KIAA0825: variants seen among roughly 807,000 people sequenced by gnomAD.
The protein encoded by KIAA0825 is uncharacterized protein KIAA0825.
In KIAA0825, 119 loss-of-function variants were observed where a neutral mutation model predicts 147.6. That is an observed-to-expected ratio of 0.81 (90% CI 0.69 to 0.94). KIAA0825 has a LOEUF of 0.94. Ranked by LOEUF, KIAA0825 falls within the 40% of genes least tolerant of loss-of-function variation. The probability of loss-of-function intolerance (pLI) is 0.00; values close to 1 mark genes in which losing one functional copy is unlikely to be tolerated. For missense variants in KIAA0825, 1,381 were observed against 1,472.7 expected (o/e 0.94, Z 1.02); for synonymous variants, 470 against 518.1 (o/e 0.91, Z 1.26).
chr5:94,354,391 T>G (rs1283802137), intron 20 of KIAA0825, among the ~76,000 whole-genome samples: 1 of 152,092 alleles, frequency 6.6e-6, no homozygotes, highest in East Asian at 1.9e-4. Flanking sequence ...TTATGAAATT[T>G]ATTATATATA....
chr5:94,261,856 G>T (rs1257974212), intron 20 of KIAA0825, among the ~76,000 whole-genome samples: 1 of 151,894 alleles, frequency 6.6e-6, no homozygotes, highest in Admixed American at 6.6e-5. Context: ...CATCATTTCT[G>T]TATAGTATTA....
chr5:94,443,113 T>G (rs1292607014), intron 13 of KIAA0825, among the ~76,000 whole-genome samples: 2 of 152,142 alleles, frequency 1.3e-5, no homozygotes, highest in Admixed American at 1.3e-4. Context: ...CCTCAATTCT[T>G]GGATCTTTCA....
At chr5:94,555,448 A>G (rs1290281858) in intron 2 of KIAA0825, among the ~76,000 whole-genome samples, 1 of 152,120 alleles carries the variant, frequency 6.6e-6, no homozygotes, top group African/African-American at 2.4e-5. Context: ...GATTATCTAT[A>G]TATATCTGGT....
chr5:94,459,639 A>G (rs1759559596), intron 12 of KIAA0825, among the ~76,000 whole-genome samples: 2 of 152,152 alleles, frequency 1.3e-5, no homozygotes, highest in Admixed American at 6.6e-5. Flanking sequence ...TGAGGCTGCT[A>G]TTCCTTGGCT....
At chr5:94,593,787 G>GT (rs1458807125) in intron 1 of KIAA0825, 4 of 336,966 alleles carry the variant, frequency 1.2e-5, no homozygotes, top group South Asian at 2.7e-5. Flanking sequence ...AAAGTAGGGA[G>GT]TTTTTTTGTG....
chr5:94,476,896 C>T (rs1761960025), intron 7 of KIAA0825, among the ~76,000 whole-genome samples: 2 of 152,098 alleles, frequency 1.3e-5, no homozygotes, highest in African/African-American at 2.4e-5. Flanking sequence ...TTCCATCTCT[C>T]TATTCCTCCC....
intron 5 of KIAA0825, among the ~76,000 whole-genome samples, chr5:94,505,310 G>C (rs558398856): frequency 6.6e-6 from 1 of 150,898 alleles, no homozygotes; most frequent in South Asian, 2.1e-4. Flanking sequence ...GCAGTGAGCA[G>C]AGATGACACC....
chr5:94,498,950 G>A (rs1460466497), intron 5 of KIAA0825, among the ~76,000 whole-genome samples: 1 of 152,102 alleles, frequency 6.6e-6, no homozygotes, highest in Non-Finnish European at 1.5e-5. Flanking sequence ...TAATCACTTG[G>A]TAATTAATTT....
intron 6 of KIAA0825, among the ~76,000 whole-genome samples, chr5:94,477,940 G>T (rs1584621278): frequency 6.6e-6 from 1 of 152,036 alleles, no homozygotes; most frequent in Non-Finnish European, 1.5e-5. Context: ...ATAATTTAAG[G>T]TTTACTTTTT....
intron 2 of KIAA0825, among the ~76,000 whole-genome samples, chr5:94,572,272 G>A (rs1780124034): frequency 6.6e-6 from 1 of 152,160 alleles, no homozygotes; most frequent in Non-Finnish European, 1.5e-5. Flanking sequence ...ACCCAAACCT[G>A]AAGGAGTTAG....
chr5:94,346,154 A>G (rs9314107), intron 20 of KIAA0825, among the ~76,000 whole-genome samples: 27,486 of 152,064 alleles, frequency 0.18, 2,841 homozygotes, highest in East Asian at 0.43. Context: ...GGATAAGACA[A>G]TATGAGGGGT....
chr5:94,277,794 A>G (rs1777285495), intron 20 of KIAA0825, among the ~76,000 whole-genome samples: 1 of 152,190 alleles, frequency 6.6e-6, no homozygotes, highest in African/African-American at 2.4e-5. Context: ...AAATCATGCT[A>G]CTATAAAGAC....
At chr5:94,155,213 CTTTTTTTT>C (rs67704311) in intron 20 of KIAA0825, among the ~76,000 whole-genome samples, 55 of 119,042 alleles carry the variant, frequency 4.6e-4, no homozygotes, top group African/African-American at 1.1e-3. Context: ...TATTTTCTTT[CTTTTTTTT>C]TTTTTTTTTT....
chr5:94,585,795 A>G (rs1022268023), intron 1 of KIAA0825, among the ~76,000 whole-genome samples: 40 of 152,154 alleles, frequency 2.6e-4, no homozygotes, highest in Non-Finnish European at 4.4e-5. Context: ...TGGAAGTAAA[A>G]CACACCTCAG....
chr5:94,286,343 A>G (rs1271971518), intron 20 of KIAA0825, among the ~76,000 whole-genome samples: 1 of 152,050 alleles, frequency 6.6e-6, no homozygotes, highest in East Asian at 1.9e-4. Flanking sequence ...CCCACCTCCT[A>G]TTCATCTTTG....
At chr5:94,208,014 G>T (rs1295313990) in intron 20 of KIAA0825, among the ~76,000 whole-genome samples, 2 of 152,074 alleles carry the variant, frequency 1.3e-5, no homozygotes, top group African/African-American at 4.8e-5. Context: ...TTAAGCCCAT[G>T]AATATCTGAA....
intron 20 of KIAA0825, among the ~76,000 whole-genome samples, chr5:94,251,852 A>G (rs192907519): frequency 5.3e-4 from 80 of 152,200 alleles, no homozygotes; most frequent in African/African-American, 1.6e-3. Flanking sequence ...GAAAACAGGT[A>G]TTAAATATAC....
Position 94,151,225 on chromosome 5 carries a change from G to A in KIAA0825, c.*2782C>T. On this transcript the variant is annotated 3_prime_UTR_variant, in exon 21 of 21. Transcript: ENST00000682413. ...GAGGTCAGGAGATCGAGACCATCCT[G>A]GCTAACAAGGTGAAACCCCGTCTCT... is the stretch of plus-strand genomic sequence containing the variant. Among the ~76,000 whole-genome samples, 1 of 150,490 alleles carries A rather than the reference G, an allele frequency of 6.6e-6. No individual in the cohort carries two copies. Among genetic ancestry groups the A allele is most frequent in the Non-Finnish European group, 1.5e-5 (1 of 67,714 alleles).
At chr5:94,589,967 T>A (rs1391391335) in intron 1 of KIAA0825, among the ~76,000 whole-genome samples, 2 of 152,054 alleles carry the variant, frequency 1.3e-5, no homozygotes, top group African/African-American at 4.8e-5. Context: ...AGGAAATGGA[T>A]ATGAGGTAGA....
Sources: gnomAD v4.1 joint callset for allele counts (sites outside exome capture counted in the v4.1 genomes callset) on GRCh38, gnomAD v4.1.1 for gene constraint, MANE v1.5 for transcripts, NCBI Gene and HGNC (gene_info 2026-07-23, HGNC 2026-07-21) for gene names.